The following C15orf61 variants were observed in gnomAD, a reference collection of about 807,000 sequenced individuals.
C15orf61 encodes uncharacterized protein C15orf61.
A neutral mutation model predicts 13.7 loss-of-function variants in C15orf61; 12 were observed. The ratio of observed to expected loss-of-function variants is 0.88; its 90% CI spans 0.56 to 1.42. The LOEUF (loss-of-function observed/expected upper bound fraction) is 1.42. Ranked by LOEUF, C15orf61 falls within the 40% of genes most tolerant of loss-of-function variation. C15orf61 has a pLI of 0.00. For synonymous variants in C15orf61, 92 were observed against 94.1 expected (o/e 0.98, Z 0.13); for missense variants, 248 against 213.2 (o/e 1.16, Z -1.02).
intron 1 of C15orf61, 56 bp downstream of exon 1, chr15:67,521,650 T>A: frequency 1.4e-6 from 2 of 1,390,888 alleles, no homozygotes; most frequent in Non-Finnish European, 9.7e-7. Flanking sequence ...GGACGGCCCC[T>A]CAGCCACCGA....
chr15:67,523,894 T>C (rs2084184270), intron 1 of C15orf61, among the ~76,000 whole-genome samples: 1 of 152,214 alleles, frequency 6.6e-6, no homozygotes, highest in South Asian at 2.1e-4. Context: ...CTGACTCAGA[T>C]CATAACTCCA....
chr15:67,521,260 G>A lies in C15orf61; in HGVS notation c.12G>A (p.Leu4=), dbSNP rs1036165513. 2.3e-5 allele frequency: 32 copies of A among 1,389,356 alleles called. No individual in the cohort carries two copies. The Admixed American group carries it at 8.2e-4, about 36-fold the overall frequency. The allele number at this position is 1,389,356 out of a possible 1,614,324, so 86.1% of individuals were successfully genotyped here. A position where few individuals can be genotyped will look rare whatever the true frequency, so the allele number is the denominator to read the frequency against. MEA[L]RRAHEVALRL... ...CGGCGCGGCGGGCCATGGAGGCCCT[G>A]AGGAGGGCCCACGAGGTCGCGCTCC... Residue 4 remains leucine, a synonymous_variant, in exon 1 of 2, where the codon CTG becomes CTA. Coordinates refer to ENST00000342683, the MANE Select transcript of C15orf61 (RefSeq NM_001143936.2).
At chr15:67,523,086 A>G (rs769862674) in intron 1 of C15orf61, among the ~76,000 whole-genome samples, 3 of 152,340 alleles carry the variant, frequency 2.0e-5, no homozygotes, top group Admixed American at 6.5e-5. Flanking sequence ...AATGGTCTGT[A>G]TGGTCTTTTG....
In C15orf61 at chr15:67,527,173, T is replaced by C. The variant is rs558675439; in HGVS notation, c.*628T>C. 1 of 152,182 alleles carries C rather than the reference T, an allele frequency of 6.6e-6. No individual in the cohort carries two copies. The highest frequency in any genetic ancestry group is 1.5e-5 in the Non-Finnish European group (1 of 68,000). The allele number at this position is 152,182 out of a possible 1,614,324, so 9.4% of individuals were successfully genotyped here. ...AAAATGTAATAATAACTGGTTAATATAAGTGTAGCAAGGTGAATGAAACTC... is the reference window on the plus strand; with the variant it reads ...AAAATGTAATAATAACTGGTTAATACAAGTGTAGCAAGGTGAATGAAACTC... On this transcript the variant is annotated 3_prime_UTR_variant, in exon 2 of 2. Coordinates refer to ENST00000342683, the MANE Select transcript of C15orf61 (RefSeq NM_001143936.2).
intron 1 of C15orf61, among the ~76,000 whole-genome samples, chr15:67,523,958 CATA>C (rs1318818446): frequency 1.3e-5 from 2 of 152,142 alleles, no homozygotes; most frequent in African/African-American, 4.8e-5. Context: ...TTTAATAAGA[CATA>C]ATATAGTTAT....
chr15:67,522,130 C>T lies in C15orf61; in HGVS notation c.346+536C>T, dbSNP rs1596528017. ...CATAACAGCTTCCTGAGGTGCTAGG[C>T]CTAAAAGATTTTTAAAGATCTTTAA... On this transcript the variant is annotated intron_variant, in intron 1 of 1. Coordinates refer to ENST00000342683, the MANE Select transcript of C15orf61 (RefSeq NM_001143936.2). 23 of 701,520 alleles carry T rather than the reference C, an allele frequency of 3.3e-5. No homozygotes were observed. The East Asian group carries it at 5.9e-4, about 18-fold the overall frequency. The allele number at this position is 701,520 out of a possible 1,614,324, so 43.5% of individuals were successfully genotyped here.
At chr15:67,522,490 C>T (rs1266960689) in intron 1 of C15orf61, among the ~76,000 whole-genome samples, 1 of 152,228 alleles carries the variant, frequency 6.6e-6, no homozygotes, top group Non-Finnish European at 1.5e-5. Flanking sequence ...TAAAAATAGT[C>T]TGTGTATTTG....
At position 67,521,285 on chromosome 15, in the gene C15orf61, C is replaced by T. The variant is rs1420979336; in HGVS notation, c.37C>T (p.Arg13Cys). Residue 13 changes from arginine to cysteine, a missense_variant, in exon 1 of 2, where the codon CGC (arginine) becomes TGC (cysteine). Transcript: ENST00000342683. ...ALRRAHEVAL[R>C]LLLCRPWASR... ...GAGGAGGGCCCACGAGGTCGCGCTCCGCCTGCTGCTGTGTAGGCCGTGGGC... is the reference window on the plus strand; with the variant it reads ...GAGGAGGGCCCACGAGGTCGCGCTCTGCCTGCTGCTGTGTAGGCCGTGGGC... 9 of 1,460,128 alleles carry T rather than the reference C, an allele frequency of 6.2e-6. No homozygotes were observed. The African/African-American group carries it at 1.3e-4, about 21-fold the overall frequency. The allele number at this position is 1,460,128 out of a possible 1,614,324, so 90.4% of individuals were successfully genotyped here.
rs1467193647 is a variant in C15orf61 at position 67,522,370 on chromosome 15, G to C, written c.346+776G>C. On this transcript the variant is annotated intron_variant, in intron 1 of 1. Coordinates refer to ENST00000342683, the MANE Select transcript of C15orf61 (RefSeq NM_001143936.2). ...TTCAGTGATTCAAAATCTAGCCATG[G>C]AGCTGAATGAACCATGTTACCCAGC... 1.7e-5 allele frequency: 11 copies of C among 640,338 alleles called. No homozygotes were observed. The East Asian group carries it at 3.0e-4, about 17-fold the overall frequency. 39.7% of individuals were successfully genotyped at this position (640,338 alleles called of 1,614,324 possible). A position where few individuals can be genotyped will look rare whatever the true frequency, so the allele number is the denominator to read the frequency against.
In C15orf61 at chr15:67,521,347, G is replaced by A. The variant is rs563058829; in HGVS notation, c.99G>A (p.Ser33=). The stretch of plus-strand genomic sequence containing the variant: ...CCGCCCGCCCCAAGCCCAGCGCCTC[G>A]GAGGTGCTGACGCGGCATCTGCTGC... ...RAAARPKPSA[S]EVLTRHLLQR... The change falls in exon 1 of 2, where the codon TCG becomes TCA. Residue 33 remains serine (S), a synonymous_variant. Transcript: ENST00000342683. The A allele has an allele frequency of 5.7e-5, 88 of 1,535,980 alleles. No individual in the cohort carries two copies. The African/African-American group carries it at 1.2e-3, about 20-fold the overall frequency.
intron 1 of C15orf61, among the ~76,000 whole-genome samples, chr15:67,522,508 A>G (rs1037008948): frequency 6.6e-6 from 1 of 152,356 alleles, no homozygotes; most frequent in East Asian, 1.9e-4. Flanking sequence ...TTGTGCTTAT[A>G]ATAACACATA....
At position 67,528,606 on chromosome 15, in the gene C15orf61, A is replaced by G; in HGVS notation, c.*2061A>G. The G allele has an allele frequency of 6.6e-6, 1 of 152,178 alleles. No individual in the cohort carries two copies. The highest frequency in any genetic ancestry group is 6.5e-5 in the Admixed American group (1 of 15,272). 9.4% of individuals were successfully genotyped at this position (152,178 alleles called of 1,614,324 possible). A position where few individuals can be genotyped will look rare whatever the true frequency, so the allele number is the denominator to read the frequency against. On this transcript the variant is annotated 3_prime_UTR_variant, in exon 2 of 2. Coordinates refer to ENST00000342683, the MANE Select transcript of C15orf61 (RefSeq NM_001143936.2). The stretch of plus-strand genomic sequence containing the variant: ...AAACAATACTTCCCATTGAACAGCA[A>G]TGGTTTAAGTTTTTTCTTTAAAGCT...
chr15:67,524,837 GTT>G (rs374398669), intron 1 of C15orf61, among the ~76,000 whole-genome samples: 2 of 122,778 alleles, frequency 1.6e-5, no homozygotes. Context: ...TTTTTTGTTT[GTT>G]TTTTTTTTTT....
At chr15:67,523,391 C>T (rs2140927475) in intron 1 of C15orf61, among the ~76,000 whole-genome samples, 1 of 152,190 alleles carries the variant, frequency 6.6e-6, no homozygotes, top group Middle Eastern at 3.4e-3. Flanking sequence ...TCCTCTTCTT[C>T]CCTTCCAAAT....
At position 67,521,176 on chromosome 15, in the gene C15orf61, C is replaced by G. The variant is rs2084155670; in HGVS notation, c.-73C>G. The G allele has an allele frequency of 9.4e-7, 1 of 1,062,304 alleles. No individual in the cohort carries two copies. Among genetic ancestry groups the G allele is most frequent in the South Asian group, 4.7e-5 (1 of 21,070 alleles). 65.8% of individuals were successfully genotyped at this position (1,062,304 alleles called of 1,614,324 possible). Reference sequence around the variant, plus strand: ...CCCGCGCGGCGCCGGTTGGCCTTCCCGGCGCTCGCCCGGGGGCGCGCTTGC... The same window carrying G: ...CCCGCGCGGCGCCGGTTGGCCTTCCGGGCGCTCGCCCGGGGGCGCGCTTGC... On this transcript the variant is annotated 5_prime_UTR_variant, in exon 1 of 2. Transcript: ENST00000342683.
At chr15:67,523,184 A>C (rs1043343155) in intron 1 of C15orf61, among the ~76,000 whole-genome samples, 4 of 152,170 alleles carry the variant, frequency 2.6e-5, no homozygotes, top group African/African-American at 7.2e-5. Flanking sequence ...CTTTAATACA[A>C]ATTGGGATAT....
In C15orf61 at chr15:67,526,361, C is replaced by G. The variant is rs190815762; in HGVS notation, c.347-57C>G. ...ATTGCTGAAGAGTGTTATACGTGATCAGTAACTTGCATGATTAATAAGCAT... is the reference window on the plus strand; with the variant it reads ...ATTGCTGAAGAGTGTTATACGTGATGAGTAACTTGCATGATTAATAAGCAT... On this transcript the variant is annotated intron_variant, in intron 1 of 1. Coordinates refer to ENST00000342683, the MANE Select transcript of C15orf61 (RefSeq NM_001143936.2). 8,708 of 1,135,256 alleles carry G rather than the reference C, an allele frequency of 7.7e-3. 77 individuals carry two copies. The highest frequency in any genetic ancestry group is 7.8e-3 in the Non-Finnish European group (6,193 of 795,306). 70.3% of individuals were successfully genotyped at this position (1,135,256 alleles called of 1,614,324 possible). A position where few individuals can be genotyped will look rare whatever the true frequency, so the allele number is the denominator to read the frequency against.
intron 1 of C15orf61, 97 bp downstream of exon 1, chr15:67,521,691 G>A: frequency 8.1e-7 from 1 of 1,228,680 alleles, no homozygotes. Flanking sequence ...GGCCGGTAGA[G>A]TCCCGCGGGA....
intron 1 of C15orf61, chr15:67,522,158 T>C (rs1034017839): frequency 1.4e-6 from 1 of 701,666 alleles, no homozygotes; most frequent in Non-Finnish European, 2.6e-6. Flanking sequence ...ATCTTTAATA[T>C]TTGTATATTT....
Sources: allele counts gnomAD v4.1 joint callset (sites outside exome capture counted in the v4.1 genomes callset), GRCh38; gene constraint gnomAD v4.1.1; transcripts MANE v1.5; gene names NCBI Gene and HGNC (gene_info 2026-07-23, HGNC 2026-07-21).